Variants in USP4 observed in about 807,000 individuals in gnomAD.
USP4 encodes ubiquitin specific peptidase 4.
A neutral mutation model predicts 118.2 loss-of-function variants in USP4; 72 were observed. The ratio of observed to expected loss-of-function variants is 0.61; its 90% CI spans 0.50 to 0.74. The LOEUF is 0.74. USP4 is among the 30% of genes least tolerant of loss of function. The pLI, the probability that USP4 is intolerant of heterozygous loss-of-function variation, is 0.00. For synonymous variants in USP4, 415 were observed against 440.4 expected (o/e 0.94, Z 0.72); for missense variants, 1,037 against 1,185.7 (o/e 0.87, Z 1.84).
In USP4 at chr3:49,295,288, C is replaced by CAAAAA. The variant is rs34296887; in HGVS notation, c.1692-695_1692-691dup. Among the ~76,000 whole-genome samples, 8 of 11,942 alleles carry CAAAAA rather than the reference C, an allele frequency of 6.7e-4. 1 individual carries two copies. Among genetic ancestry groups the CAAAAA allele is most frequent in the Non-Finnish European group, 1.1e-3 (6 of 5,598 alleles). The allele number at this position is 11,942 out of a possible 152,430, so 7.8% of individuals were successfully genotyped here. On this transcript the variant is annotated intron_variant, in intron 13 of 21. Coordinates refer to ENST00000265560, the MANE Select transcript of USP4 (RefSeq NM_003363.4). ...TGGGCAACAGAGCGAGACTCCATCT[C>CAAAAA]AAAAAAAAAAAAAAAAAAAAAAAAA... is the stretch of plus-strand genomic sequence containing the variant.
Position 49,277,415 on chromosome 3 carries a change from C to T in USP4, c.*878G>A, listed in dbSNP as rs1388215249. On this transcript the variant is annotated 3_prime_UTR_variant, in exon 22 of 22. Coordinates refer to ENST00000265560, the MANE Select transcript of USP4 (RefSeq NM_003363.4). ...TCTTGGCAGGGATGAGGAAAGAACC[C>T]GTTCTAGAAAGCATCTGGGTAACAC... 6.1e-6 allele frequency: 2 copies of T among 330,146 alleles called. No homozygotes were observed. Among genetic ancestry groups the T allele is most frequent in the East Asian group, 9.5e-5 (1 of 10,516 alleles). The allele number at this position is 330,146 out of a possible 1,614,324, so 20.5% of individuals were successfully genotyped here.
rs777176868 is a variant in USP4 at position 49,278,418 on chromosome 3, G to A, written c.2767C>T (p.Arg923Ter). 6 of 1,614,086 alleles carry A rather than the reference G, an allele frequency of 3.7e-6. No individual in the cohort carries two copies. Among genetic ancestry groups the A allele is most frequent in the South Asian group, 3.3e-5 (3 of 91,072 alleles). The stretch of plus-strand genomic sequence containing the variant: ...GGTGTCTTATAAAATTCATCATCTC[G>A]ACGTTGGTAAAATAGCACATAAGCT... ...KAAYVLFYQR[R>*]DDEFYKTPSL... Residue 923 changes from arginine to a stop codon, truncating the protein, a stop_gained, in exon 22 of 22, where the codon CGA (arginine) becomes TGA (stop). Transcript: ENST00000265560. LOFTEE classifies it low-confidence loss of function (END_TRUNC).
At chr3:49,293,855 G>A (rs1295057232) in intron 14 of USP4, among the ~76,000 whole-genome samples, 8 of 152,008 alleles carry the variant, frequency 5.3e-5, no homozygotes, top group East Asian at 3.9e-4. Context: ...CCATCAAAGC[G>A]CTAGCCTCCC....
intron 8 of USP4, among the ~76,000 whole-genome samples, chr3:49,309,943 CTTT>C (rs773669515): frequency 4.0e-4 from 16 of 40,228 alleles, no homozygotes; most frequent in Admixed American, 1.8e-3. Context: ...TTTTTTTAAT[CTTT>C]TTTTTTTTTT....
rs144727221 is a variant in USP4, at chr3:49,297,871, C to A, written c.1690G>T (p.Val564Leu). 4.3e-6 allele frequency: 7 copies of A among 1,613,518 alleles called. No homozygotes were observed. Among genetic ancestry groups the A allele is most frequent in the Non-Finnish European group, 5.1e-6 (6 of 1,179,532 alleles). The part of the protein sequence containing the change: ...NHIMPRDDIF[V>L]YEVCSTSVDG... ...CAGCAGAAACTGCTGAGTACTCACA[C>A]GAAAATGTCATCCCGAGGCATGATG... is the stretch of plus-strand genomic sequence containing the variant. Residue 564 changes from valine (V) to leucine (L), a missense_variant and splice_region_variant, in exon 13 of 22, where the codon GTG becomes TTG. Val to Leu is a conservative substitution (Grantham distance 32, BLOSUM62 1). Transcript: ENST00000265560.
At position 49,325,591 on chromosome 3, in the gene USP4, T is replaced by C. The variant is rs891052714; in HGVS notation, c.487+128A>G. ...AGGCCCCCAGGTCAGGACTGGCAAC[T>C]ACAGCTCGAGATGATTTGGGTAACA... On this transcript the variant is annotated intron_variant, in intron 4 of 21. Coordinates refer to ENST00000265560, the MANE Select transcript of USP4 (RefSeq NM_003363.4). 4 of 1,414,286 alleles carry C rather than the reference T, an allele frequency of 2.8e-6. No homozygotes were observed. In the African/African-American group the frequency reaches 5.7e-5, roughly 20 times the overall value. 87.6% of individuals were successfully genotyped at this position (1,414,286 alleles called of 1,614,324 possible).
At chr3:49,280,592 AC>A in intron 20 of USP4, 151 bp downstream of exon 20, 1 of 570,072 alleles carries the variant, frequency 1.8e-6, no homozygotes, top group Non-Finnish European at 3.0e-6. Flanking sequence ...TTAAAAAAAA[AC>A]AGAGAGGGGA....
Position 49,277,223 on chromosome 3 carries a change from G to A in USP4, c.*1070C>T, listed in dbSNP as rs1344055395. The A allele has an allele frequency of 1.5e-6, 2 of 1,322,626 alleles. No individual in the cohort carries two copies. The highest frequency in any genetic ancestry group is 2.2e-5 in the Admixed American group (1 of 44,478). The allele number at this position is 1,322,626 out of a possible 1,614,324, so 81.9% of individuals were successfully genotyped here. ...GACGCCGACCCATCCAACGGTCATC[G>A]CATGCGCGTGCCCCGCGCAGGCCCC... On this transcript the variant is annotated 3_prime_UTR_variant, in exon 22 of 22. Coordinates refer to ENST00000265560, the MANE Select transcript of USP4 (RefSeq NM_003363.4).
In USP4 at chr3:49,298,600, G is replaced by A. The variant is rs374478368; in HGVS notation, c.1548C>T (p.Ser516=). 177 of 1,613,992 alleles carry A rather than the reference G, an allele frequency of 1.1e-4. No homozygotes were observed. Among genetic ancestry groups the A allele is most frequent in the South Asian group, 2.6e-4 (24 of 91,086 alleles). ...GCCTGGAGAGAGCCTCGCACAGGTC[G>A]GACACAGCCCCCATCAGCGGCACAG... ...RVTVPLMGAV[S]DLCEALSRLS... is the part of the protein sequence containing the mutation. The change falls in exon 12 of 22, where the codon TCC becomes TCT. Residue 516 remains serine (S), a synonymous_variant. Transcript: ENST00000265560.
chr3:49,294,666 A>T (rs1413029979), intron 13 of USP4, 68 bp from the exon 14 acceptor site: 1 of 1,488,992 alleles, frequency 6.7e-7, no homozygotes, highest in African/African-American at 1.4e-5. Flanking sequence ...TCTGAGCTGA[A>T]GCTATGTGGT....
intron 6 of USP4, among the ~76,000 whole-genome samples, chr3:49,315,168 G>T (rs2047422496): frequency 6.6e-6 from 1 of 151,944 alleles, no homozygotes; most frequent in East Asian, 1.9e-4. Flanking sequence ...CCAGCACTTT[G>T]GGAGGCTGAA....
chr3:49,304,006 G>T (rs1482494825), intron 9 of USP4, among the ~76,000 whole-genome samples: 1 of 151,974 alleles, frequency 6.6e-6, no homozygotes, highest in Non-Finnish European at 1.5e-5. Context: ...ACCCACCTTG[G>T]CCTCCCCATG....
chr3:49,339,260 A>G (rs1300348329), intron 1 of USP4, among the ~76,000 whole-genome samples: 1 of 152,168 alleles, frequency 6.6e-6, no homozygotes, highest in East Asian at 1.9e-4. Context: ...CAGTAGTACA[A>G]AGTATTGTCC....
In USP4 at chr3:49,296,602, T is replaced by C. The variant is rs574308116; in HGVS notation, c.1691+1268A>G. ...AGGCAGAGCTTGCAGTGAGCCGAGA[T>C]TGCGCCACTGCACTCCTGCCTGGGA... On this transcript the variant is annotated intron_variant, in intron 13 of 21. Transcript: ENST00000265560. 8.5e-5 allele frequency among the ~76,000 whole-genome samples: 13 copies of C among 152,288 alleles called. No homozygotes were observed. The East Asian group carries it at 9.6e-4, about 11-fold the overall frequency.
In USP4 at chr3:49,325,813, G is replaced by A. The variant is rs1402650950; in HGVS notation, c.393C>T (p.Cys131=). The A allele has an allele frequency of 5.6e-6, 9 of 1,613,852 alleles. No homozygotes were observed. Among genetic ancestry groups the A allele is most frequent in the Non-Finnish European group, 4.2e-6 (5 of 1,179,836 alleles). Reference sequence around the variant, plus strand: ...GTTCCAGCAAATACACCTCGACTTTGCAGTGCTTGACAAACAGGCCATGCT... The same window carrying A: ...GTTCCAGCAAATACACCTCGACTTTACAGTGCTTGACAAACAGGCCATGCT... ...VVEHGLFVKH[C]KVEVYLLELK... is the part of the protein sequence containing the mutation. The change falls in exon 4 of 22, where the codon TGC becomes TGT. Residue 131 remains cysteine, a synonymous_variant. Transcript: ENST00000265560.
rs894196336 is a variant in USP4 at position 49,284,890 on chromosome 3, T to G, written c.2230A>C (p.Ser744Arg). 1 of 1,613,594 alleles carries G rather than the reference T, an allele frequency of 6.2e-7. No individual in the cohort carries two copies. Among genetic ancestry groups the G allele is most frequent in the African/African-American group, 1.3e-5 (1 of 74,872 alleles). ...SRSTLAMDWD[S>R]ETRRLYYDEQ... ...TCATAGTAAAGTCTCCGAGTTTCAC[T>G]GTCCCAATCCATGGCCAGTGTAGAT... The change falls in exon 17 of 22, where the codon AGT becomes CGT. Residue 744 changes from serine to arginine, a missense_variant. Around this residue, in one of 3 missense-constraint regions of USP4, gnomAD observed 522 missense variants for 592.6 expected, o/e 0.88. Transcript: ENST00000265560.
chr3:49,311,443 G>A (rs2047381633), intron 7 of USP4, 71 bp downstream of exon 7: 6 of 1,550,710 alleles, frequency 3.9e-6, no homozygotes, highest in Non-Finnish European at 5.3e-6. Context: ...TGGAGCAGCA[G>A]ATGAGCTCTC....
intron 15 of USP4, among the ~76,000 whole-genome samples, chr3:49,289,836 C>T (rs1020431787): frequency 1.4e-4 from 21 of 151,582 alleles, no homozygotes; most frequent in African/African-American, 4.8e-4. Context: ...CCATGTGTGG[C>T]GGCTCACGCC....
chr3:49,283,135 C>T (rs1231657900), intron 19 of USP4, among the ~76,000 whole-genome samples: 1 of 149,934 alleles, frequency 6.7e-6, no homozygotes, highest in Non-Finnish European at 1.5e-5. Flanking sequence ...CCTGCCTCAG[C>T]CTCCTGAGTA....
Sources: allele counts gnomAD v4.1 joint callset (sites outside exome capture counted in the v4.1 genomes callset), GRCh38; gene constraint gnomAD v4.1.1; regional missense constraint gnomAD v4.1.1; transcripts MANE v1.5; gene names NCBI Gene and HGNC (gene_info 2026-07-23, HGNC 2026-07-21).